PRKCB: variants seen among roughly 807,000 people sequenced by gnomAD.
PRKCB encodes the protein protein kinase C beta.
PRKCB carries 13 observed loss-of-function variants against 81.5 expected under a neutral mutation model. That is an observed-to-expected ratio of 0.16 (90% confidence interval 0.10 to 0.25). The LOEUF (loss-of-function observed/expected upper bound fraction) is 0.25. Among genes scored for constraint, PRKCB ranks in the 10% least tolerant of loss-of-function variants. The pLI, the probability that PRKCB is intolerant of heterozygous loss-of-function variation, is 1.00. For synonymous variants in PRKCB, 335 were observed against 321.4 expected, an observed-to-expected ratio of 1.04 and a Z score of -0.45; for missense variants, 509 against 875.7, an observed-to-expected ratio of 0.58 and a Z score of 5.29.
At chr16:23,880,810 CT>C (rs2141107643) in intron 2 of PRKCB, among the ~76,000 whole-genome samples, 1 of 152,150 alleles carries the variant, frequency 6.6e-6, no homozygotes, top group East Asian at 1.9e-4. Context: ...ATGTTAATAC[CT>C]TGCTATCTAC....
intron 2 of PRKCB, among the ~76,000 whole-genome samples, chr16:23,978,997 T>A (rs1041149782): frequency 6.6e-6 from 1 of 152,316 alleles, no homozygotes; most frequent in East Asian, 1.9e-4. Flanking sequence ...AAGCTGAATC[T>A]TCAGAAGGTG....
At chr16:23,995,255 G>T (rs1372985611) in intron 3 of PRKCB, among the ~76,000 whole-genome samples, 2 of 152,092 alleles carry the variant, frequency 1.3e-5, no homozygotes, top group Non-Finnish European at 2.9e-5. Flanking sequence ...TTACCAAGGG[G>T]CCCCAAGAGC....
chr16:24,195,455 A>G (rs1967864690), intron 16 of PRKCB, among the ~76,000 whole-genome samples: 1 of 152,184 alleles, frequency 6.6e-6, no homozygotes, highest in African/African-American at 2.4e-5. Context: ...GCATGCTATT[A>G]AATAGAGTGT....
chr16:24,219,081 C>G lies in PRKCB; in HGVS notation c.*4265C>G. On this transcript the variant is annotated 3_prime_UTR_variant, in exon 17 of 17. Transcript: ENST00000643927. Reference sequence around the variant, plus strand: ...AGGCTTGCAAGGACCCTGAAGAGGTCGGAGCATCATACAGATTCCTTTATT... The same window carrying G: ...AGGCTTGCAAGGACCCTGAAGAGGTGGGAGCATCATACAGATTCCTTTATT... 2.0e-6 allele frequency: 2 copies of G among 985,364 alleles called. No individual in the cohort carries two copies. The highest frequency in any genetic ancestry group is 1.7e-5 in the African/African-American group (1 of 57,306). 61.0% of individuals were successfully genotyped at this position (985,364 alleles called of 1,614,324 possible).
chr16:24,043,058 T>C (rs1049381111), intron 5 of PRKCB, among the ~76,000 whole-genome samples: 1 of 152,214 alleles, frequency 6.6e-6, no homozygotes, highest in African/African-American at 2.4e-5. Context: ...GTACAATGGC[T>C]GAGTTTTGAC....
At chr16:24,176,455 G>T (rs963012993) in intron 12 of PRKCB, among the ~76,000 whole-genome samples, 1 of 152,178 alleles carries the variant, frequency 6.6e-6, no homozygotes, top group African/African-American at 2.4e-5. Flanking sequence ...TGATCATTCT[G>T]CCCATGCCCA....
At chr16:24,113,205 T>C in intron 8 of PRKCB, 136 bp downstream of exon 8, 2 of 587,414 alleles carry the variant, frequency 3.4e-6, no homozygotes, top group Non-Finnish European at 5.6e-6. Flanking sequence ...TTCCTCTCTC[T>C]TTTCTTTCCT....
intron 2 of PRKCB, among the ~76,000 whole-genome samples, chr16:23,877,315 C>T (rs1261707333): frequency 1.3e-5 from 2 of 152,132 alleles, no homozygotes; most frequent in Non-Finnish European, 2.9e-5. Context: ...CCAGCCTGGG[C>T]AGCAGAGGGA....
chr16:24,081,539 A>ATGATGTT (rs1480760147), intron 5 of PRKCB, among the ~76,000 whole-genome samples: 2 of 152,170 alleles, frequency 1.3e-5, no homozygotes, highest in Non-Finnish European at 2.9e-5. Flanking sequence ...CCTATTCAAC[A>ATGATGTT]TCATGTCATA....
At chr16:24,050,128 T>C (rs1976194) in intron 5 of PRKCB, among the ~76,000 whole-genome samples, 79,648 of 151,988 alleles carry the variant, frequency 0.52, 22,130 homozygotes, top group African/African-American at 0.7. Context: ...ACAGGTATGT[T>C]GACAGCCTTC....
chr16:24,153,059 A>G (rs6497726), intron 9 of PRKCB, among the ~76,000 whole-genome samples: 3,619 of 152,226 alleles, frequency 0.024, 154 homozygotes, highest in African/African-American at 0.081. Flanking sequence ...GCATGGGTGC[A>G]TGATCTGGAA....
intron 2 of PRKCB, among the ~76,000 whole-genome samples, chr16:23,898,217 C>G (rs11643715): frequency 0.24 from 35,731 of 151,994 alleles, 5,201 homozygotes; most frequent in South Asian, 0.49. Context: ...AGGCGCCCAC[C>G]ACCACACCTC....
intron 2 of PRKCB, among the ~76,000 whole-genome samples, chr16:23,983,847 C>T (rs1199349933): frequency 6.6e-6 from 1 of 152,002 alleles, no homozygotes; most frequent in East Asian, 1.9e-4. Flanking sequence ...TCCTGGGTAG[C>T]TGGGATTACC....
chr16:24,139,524 T>C (rs1966880378), intron 9 of PRKCB, among the ~76,000 whole-genome samples: 1 of 152,198 alleles, frequency 6.6e-6, no homozygotes, highest in Admixed American at 6.5e-5. Context: ...TGCTTAACAA[T>C]AGCAAGTCCA....
At chr16:24,040,925 T>C (rs1253388272) in intron 5 of PRKCB, among the ~76,000 whole-genome samples, 1 of 152,122 alleles carries the variant, frequency 6.6e-6, no homozygotes, top group African/African-American at 2.4e-5. Flanking sequence ...ATTTGTAGTA[T>C]CCCAGGAAAC....
chr16:24,219,858 G>T lies in PRKCB; in HGVS notation c.*5042G>T, dbSNP rs761912918. On this transcript the variant is annotated 3_prime_UTR_variant, in exon 17 of 17. Transcript: ENST00000643927. ...AAATTTTCAGCACAGGGCTCTTTCT[G>T]ACTCTGCTCATGAGATGGTATCAGC... The T allele has an allele frequency of 4.8e-6, 7 of 1,460,362 alleles. No homozygotes were observed. In the African/African-American group the frequency reaches 8.6e-5, roughly 18 times the overall value. The allele number at this position is 1,460,362 out of a possible 1,614,324, so 90.5% of individuals were successfully genotyped here. A position where few individuals can be genotyped will look rare whatever the true frequency, so the allele number is the denominator to read the frequency against.
intron 2 of PRKCB, among the ~76,000 whole-genome samples, chr16:23,898,292 C>T (rs1376596055): frequency 6.6e-6 from 1 of 152,098 alleles, no homozygotes; most frequent in Non-Finnish European, 1.5e-5. Context: ...GTCTTGATCT[C>T]CTGACCTCCA....
chr16:24,077,436 CCATACATT>C (rs1966193134), intron 5 of PRKCB, among the ~76,000 whole-genome samples: 1 of 150,974 alleles, frequency 6.6e-6, no homozygotes, highest in African/African-American at 2.4e-5. Context: ...TCCATCCAAT[CCATACATT>C]CATCCATCTA....
intron 2 of PRKCB, among the ~76,000 whole-genome samples, chr16:23,881,785 C>T (rs1217430703): frequency 4.6e-5 from 7 of 151,782 alleles, no homozygotes; most frequent in Admixed American, 6.6e-5. Context: ...CTTTTCATCT[C>T]GTAAAACTGA....
Sources: gnomAD v4.1 joint callset for allele counts (sites outside exome capture counted in the v4.1 genomes callset) on GRCh38, gnomAD v4.1.1 for gene constraint, MANE v1.5 for transcripts, NCBI Gene and HGNC (gene_info 2026-07-23, HGNC 2026-07-21) for gene names.